TBRG1: variants seen among roughly 807,000 people sequenced by gnomAD.
TBRG1 encodes the protein transforming growth factor beta regulator 1, also known as nuclear interactor of ARF and MDM2.
In TBRG1, 31 loss-of-function variants were observed where a neutral mutation model predicts 44.0. That is an observed-to-expected ratio of 0.70 (90% CI 0.53 to 0.95). TBRG1 has a LOEUF of 0.95. TBRG1 is among the 40% of genes least tolerant of loss of function. The pLI, the probability that TBRG1 is intolerant of heterozygous loss-of-function variation, is 0.00. For synonymous variants in TBRG1, 171 were observed against 188.1 expected (o/e 0.91, Z 0.74); for missense variants, 487 against 496.1 (o/e 0.98, Z 0.18).
At chr11:124,631,691 G>A in intron 8 of TBRG1, 1 of 504,202 alleles carries the variant, frequency 2.0e-6, no homozygotes, top group Admixed American at 3.5e-5. Flanking sequence ...CAAGACTGGA[G>A]CAGAACACCA....
At chr11:124,623,608 G>A (rs1412265617) in intron 1 of TBRG1, among the ~76,000 whole-genome samples, 1 of 152,202 alleles carries the variant, frequency 6.6e-6, no homozygotes, top group Non-Finnish European at 1.5e-5. Flanking sequence ...GAAGCCCAGA[G>A]AGATGATTTG....
Position 124,623,388 on chromosome 11 carries a change from T to G in TBRG1, c.150+155T>G, listed in dbSNP as rs1435062475. On this transcript the variant is annotated intron_variant, in intron 1 of 8. Coordinates refer to ENST00000441174, the MANE Select transcript of TBRG1 (RefSeq NM_032811.3). ...GTTAGCCTTGTGTCCTTGGACAAAT[T>G]ACGTAATTTCTCTGTGTCCTCATCT... 5 of 841,510 alleles carry G rather than the reference T, an allele frequency of 5.9e-6. No homozygotes were observed. The East Asian group carries it at 1.3e-4, about 22-fold the overall frequency. The allele number at this position is 841,510 out of a possible 1,614,324, so 52.1% of individuals were successfully genotyped here.
intron 5 of TBRG1, among the ~76,000 whole-genome samples, chr11:124,627,883 T>C (rs1942506426): frequency 6.6e-6 from 1 of 151,748 alleles, no homozygotes; most frequent in East Asian, 1.9e-4. Context: ...CTAGTAGAAA[T>C]TGAAAAGCCG....
chr11:124,627,602 G>C (rs1167219640), intron 5 of TBRG1, among the ~76,000 whole-genome samples: 2 of 152,138 alleles, frequency 1.3e-5, no homozygotes, highest in Admixed American at 1.3e-4. Context: ...GGAGTTCTAA[G>C]CTTCACTGAG....
chr11:124,630,961 T>C, intron 7 of TBRG1, 106 bp downstream of exon 7: 1 of 874,650 alleles, frequency 1.1e-6, no homozygotes, highest in Non-Finnish European at 1.8e-6. Flanking sequence ...AAAGCCTGCC[T>C]GCTTCTCGAC....
chr11:124,623,290 T>TC (rs1391938136), intron 1 of TBRG1, 57 bp downstream of exon 1: 1 of 1,540,240 alleles, frequency 6.5e-7, no homozygotes, highest in African/African-American at 1.4e-5. Flanking sequence ...ACAAAATCTT[T>TC]CCCCAAGCTG....
At position 124,627,031 on chromosome 11, in the gene TBRG1, ATGG is replaced by A. The variant is rs745831197; in HGVS notation, c.725_727del (p.Gly242del). ...TGTCTATATACCTGTCAGATCAAGG[ATGG>A]TGGTGTGCAGCCTCAGGTACCCCCT... On this transcript the variant is annotated inframe_deletion, in exon 5 of 9. Coordinates refer to ENST00000441174, the MANE Select transcript of TBRG1 (RefSeq NM_032811.3). 2 of 1,554,086 alleles carry A rather than the reference ATGG, an allele frequency of 1.3e-6. No homozygotes were observed. The highest frequency in any genetic ancestry group is 1.7e-6 in the Non-Finnish European group (2 of 1,147,828).
intron 5 of TBRG1, among the ~76,000 whole-genome samples, chr11:124,627,453 T>C (rs558276123): frequency 2.8e-4 from 42 of 152,334 alleles, no homozygotes; most frequent in Admixed American, 2.2e-3. Context: ...CAAATACTCT[T>C]AAGGACCTGA....
At position 124,625,131 on chromosome 11, in the gene TBRG1, C is replaced by G. The variant is rs527720560; in HGVS notation, c.221+130C>G. On this transcript the variant is annotated intron_variant, in intron 2 of 8. Transcript: ENST00000441174. ...TGCGTATCGCACAGCCCCTTGGCCA[C>G]TTGATCAAGCACAGAGAAACTTACA... 174 of 638,964 alleles carry G rather than the reference C, an allele frequency of 2.7e-4. 1 individual carries two copies. In the East Asian group the frequency reaches 4.9e-3, roughly 18 times the overall value. The allele number at this position is 638,964 out of a possible 1,614,324, so 39.6% of individuals were successfully genotyped here.
chr11:124,624,358 A>G (rs1300982836), intron 1 of TBRG1, among the ~76,000 whole-genome samples: 2 of 99,718 alleles, frequency 2.0e-5, no homozygotes, highest in African/African-American at 9.2e-5. Flanking sequence ...TTGAGTCATC[A>G]TTTACAAAAA....
intron 1 of TBRG1, among the ~76,000 whole-genome samples, chr11:124,624,717 G>A (rs768504609): frequency 3.3e-5 from 5 of 152,036 alleles, no homozygotes; most frequent in Admixed American, 1.3e-4. Context: ...AAGATGTCCC[G>A]GATTGGATAA....
At position 124,635,441 on chromosome 11, in the gene TBRG1, C is replaced by T. The variant is rs553143011; in HGVS notation, c.*3203C>T. ...TACACCAGAACCCCTTGGAACTCTA[C>T]AGAGGGGTAGAACTAAAGCAAAAAC... On this transcript the variant is annotated 3_prime_UTR_variant, in exon 9 of 9. Coordinates refer to ENST00000441174, the MANE Select transcript of TBRG1 (RefSeq NM_032811.3). 1 of 152,234 alleles carries T rather than the reference C, an allele frequency of 6.6e-6. No individual in the cohort carries two copies. The highest frequency in any genetic ancestry group is 1.5e-5 in the Non-Finnish European group (1 of 68,018). 9.4% of individuals were successfully genotyped at this position (152,234 alleles called of 1,614,324 possible). A position where few individuals can be genotyped will look rare whatever the true frequency, so the allele number is the denominator to read the frequency against.
chr11:124,626,795 A>G, intron 4 of TBRG1, 109 bp from the exon 5 acceptor site: 1 of 1,517,140 alleles, frequency 6.6e-7, no homozygotes. Flanking sequence ...TCTTTGTGTG[A>G]TTTGTCACTC....
intron 1 of TBRG1, 164 bp downstream of exon 1, chr11:124,623,397 T>G: frequency 1.3e-6 from 1 of 787,222 alleles, no homozygotes; most frequent in South Asian, 1.5e-5. Context: ...TTACGTAATT[T>G]CTCTGTGTCC....
chr11:124,628,102 TATATATATATATATACAC>T (rs1361216632), intron 5 of TBRG1, among the ~76,000 whole-genome samples: 86 of 51,392 alleles, frequency 1.7e-3, no homozygotes, highest in Non-Finnish European at 2.4e-3. Flanking sequence ...TATATATATA[TATATATATATATATACAC>T]ACACACACAC....
chr11:124,625,055 G>T (rs887651222), intron 2 of TBRG1, 54 bp downstream of exon 2: 2 of 1,258,654 alleles, frequency 1.6e-6, no homozygotes, highest in African/African-American at 1.5e-5. Context: ...TTGATTTGGT[G>T]ATTGATAATG....
Position 124,622,906 on chromosome 11 carries a change from C to G in TBRG1, c.-178C>G. ...GGAAGTGCTGGGAGGCGCCGGGAGC[C>G]CGTTCGGTTGCGGGTGTCTCTGGCC... is the stretch of plus-strand genomic sequence containing the variant. On this transcript the variant is annotated 5_prime_UTR_variant, in exon 1 of 9. Transcript: ENST00000441174. The G allele has an allele frequency of 3.1e-6, 2 of 635,798 alleles. No individual in the cohort carries two copies. The highest frequency in any genetic ancestry group is 5.9e-5 in the East Asian group (2 of 33,830). The allele number at this position is 635,798 out of a possible 1,614,324, so 39.4% of individuals were successfully genotyped here. A position where few individuals can be genotyped will look rare whatever the true frequency, so the allele number is the denominator to read the frequency against.
chr11:124,628,116 T>TAC (rs368617758), intron 5 of TBRG1, among the ~76,000 whole-genome samples: 680 of 41,792 alleles, frequency 0.016, 14 homozygotes, highest in South Asian at 0.029. Flanking sequence ...TATATATATA[T>TAC]ACACACACAC....
chr11:124,628,768 A>C (rs961306657), intron 5 of TBRG1, among the ~76,000 whole-genome samples: 1 of 152,202 alleles, frequency 6.6e-6, no homozygotes, highest in Non-Finnish European at 1.5e-5. Context: ...CAACAATTTT[A>C]GTATGTGTAT....
Sources: gnomAD v4.1 joint callset for allele counts (sites outside exome capture counted in the v4.1 genomes callset) on GRCh38, gnomAD v4.1.1 for gene constraint, MANE v1.5 for transcripts, NCBI Gene and HGNC (gene_info 2026-07-23, HGNC 2026-07-21) for gene names.